The following MRPS21 variants were observed in gnomAD, a reference collection of about 807,000 sequenced individuals.
MRPS21 encodes small ribosomal subunit protein bS21m.
Under a neutral mutation model 9.9 loss-of-function variants are expected in MRPS21, and 8 were observed. The ratio of observed to expected loss-of-function variants is 0.81; its 90% CI spans 0.47 to 1.45. MRPS21 has a LOEUF of 1.45. MRPS21 is among the 40% of genes most tolerant of loss of function. The pLI is 0.00. For synonymous variants in MRPS21, 40 were observed against 40.3 expected, an observed-to-expected ratio of 0.99 and a Z score of 0.03; for missense variants, 101 against 118.9, an observed-to-expected ratio of 0.85 and a Z score of 0.70.
intron 2 of MRPS21, among the ~76,000 whole-genome samples, chr1:150,294,820 C>A (rs1653853133): frequency 6.7e-6 from 1 of 149,318 alleles, no homozygotes; most frequent in African/African-American, 2.5e-5. Flanking sequence ...ATCGCTTGAA[C>A]CCGGGAGGCA....
rs1417375771 is a variant in MRPS21, at chr1:150,294,258, A to G, written c.-32-77A>G. 1.2e-5 allele frequency: 12 copies of G among 1,013,992 alleles called. No homozygotes were observed. The highest frequency in any genetic ancestry group is 4.0e-5 in the Admixed American group (2 of 49,730). 62.8% of individuals were successfully genotyped at this position (1,013,992 alleles called of 1,614,324 possible). ...AGCATGTTGAATTTCCAAATCCTAA[A>G]TAAGCCGCGCGGTGTAGTTTGTATT... On this transcript the variant is annotated intron_variant, in intron 1 of 2. Coordinates refer to ENST00000614145, the MANE Select transcript of MRPS21 (RefSeq NM_031901.6).
intron 2 of MRPS21, chr1:150,304,032 C>T (rs921809313): frequency 2.8e-5 from 11 of 397,972 alleles, no homozygotes; most frequent in Admixed American, 2.3e-4. Context: ...AGACATCAGC[C>T]GGGCGTGGTG....
At position 150,307,709 on chromosome 1, in the gene MRPS21, G is replaced by A. The variant is rs587632473; in HGVS notation, c.84-339G>A. Among the ~76,000 whole-genome samples the A allele has an allele frequency of 3.9e-5, 6 of 152,146 alleles. No individual in the cohort carries two copies. In the East Asian group the frequency reaches 9.7e-4, roughly 24 times the overall value. On this transcript the variant is annotated intron_variant, in intron 2 of 2. Transcript: ENST00000614145. ...TGCTCCCACCTCAGCCTCGTGAGTC[G>A]CTAGCACTACAGACACATATTACGA... is the stretch of plus-strand genomic sequence containing the variant.
Position 150,308,290 on chromosome 1 carries a change from T to G in MRPS21, c.*62T>G. Reference sequence around the variant, plus strand: ...CCAGTTTTCTCTCCATCTCTTTTCTTTGTACAATCCCATTTCCTATTACCA... The same window carrying G: ...CCAGTTTTCTCTCCATCTCTTTTCTGTGTACAATCCCATTTCCTATTACCA... On this transcript the variant is annotated 3_prime_UTR_variant, in exon 3 of 3. Transcript: ENST00000614145. 9 of 1,508,046 alleles carry G rather than the reference T, an allele frequency of 6.0e-6. No homozygotes were observed. The highest frequency in any genetic ancestry group is 8.1e-6 in the Non-Finnish European group (9 of 1,105,888). 93.4% of individuals were successfully genotyped at this position (1,508,046 alleles called of 1,614,324 possible). A position where few individuals can be genotyped will look rare whatever the true frequency, so the allele number is the denominator to read the frequency against.
intron 2 of MRPS21, among the ~76,000 whole-genome samples, chr1:150,297,073 C>CCT (rs1653938767): frequency 2.0e-5 from 3 of 151,556 alleles, no homozygotes; most frequent in East Asian, 3.9e-4. Context: ...GGGCGGATCA[C>CCT]GAGGTCAGGA....
At chr1:150,297,074 G>A (rs751619103) in intron 2 of MRPS21, among the ~76,000 whole-genome samples, 63 of 148,430 alleles carry the variant, frequency 4.2e-4, no homozygotes, top group East Asian at 8.4e-4. Context: ...GGCGGATCAC[G>A]AGGTCAGGAC....
rs112063293 is a variant in MRPS21 at position 150,300,672 on chromosome 1, C to G, written c.83+6223C>G. Among the ~76,000 whole-genome samples, 424 of 152,116 alleles carry G rather than the reference C, an allele frequency of 2.8e-3. 5 individuals are homozygous for G. The highest frequency in any genetic ancestry group is 9.4e-3 in the African/African-American group (391 of 41,496). ...ATTGCATCTGTTTTATGGGTAACAC[C>G]CCCACTCCTTCGAGTTAAAATTGGT... On this transcript the variant is annotated intron_variant, in intron 2 of 2. Transcript: ENST00000614145.
rs1433414048 is a variant in MRPS21 at position 150,294,215 on chromosome 1, C to T, written c.-32-120C>T. The T allele has an allele frequency of 4.7e-6, 3 of 636,728 alleles. No homozygotes were observed. In the East Asian group the frequency reaches 8.7e-5, roughly 18 times the overall value. 39.4% of individuals were successfully genotyped at this position (636,728 alleles called of 1,614,324 possible). Reference sequence around the variant, plus strand: ...CTTTCTAGGATGACTTCCATGTGCTCCATCTCGCGCGTCCCTGAGCATGTT... The same window carrying T: ...CTTTCTAGGATGACTTCCATGTGCTTCATCTCGCGCGTCCCTGAGCATGTT... On this transcript the variant is annotated intron_variant, in intron 1 of 2. Transcript: ENST00000614145.
intron 2 of MRPS21, chr1:150,301,360 T>A (rs1405609336): frequency 3.9e-6 from 1 of 259,710 alleles, no homozygotes; most frequent in Non-Finnish European, 7.6e-6. Context: ...TAGCCGGACA[T>A]GGTGGCAGGT....
At chr1:150,297,858 T>C (rs1653972901) in intron 2 of MRPS21, among the ~76,000 whole-genome samples, 1 of 152,158 alleles carries the variant, frequency 6.6e-6, no homozygotes, top group African/African-American at 2.4e-5. Context: ...TCATACCTTC[T>C]GGTGGCATGT....
At chr1:150,295,702 C>T (rs1440415383) in intron 2 of MRPS21, among the ~76,000 whole-genome samples, 1 of 151,894 alleles carries the variant, frequency 6.6e-6, no homozygotes, top group Non-Finnish European at 1.5e-5. Flanking sequence ...TTTGGGAAGC[C>T]TAGTGGGGAG....
chr1:150,294,890 CTA>C (rs1392607649), intron 2 of MRPS21, among the ~76,000 whole-genome samples: 1 of 74,370 alleles, frequency 1.3e-5, no homozygotes, highest in Admixed American at 1.3e-4. Flanking sequence ...GAGTGAGACT[CTA>C]TCTCAAAAAA....
chr1:150,301,672 C>G (rs1654139268), intron 2 of MRPS21, among the ~76,000 whole-genome samples: 2 of 150,620 alleles, frequency 1.3e-5, no homozygotes, highest in Admixed American at 6.6e-5. Context: ...ACTGCGTGGT[C>G]TCGCCTCACT....
chr1:150,301,345 A>AT (rs1281370415), intron 2 of MRPS21: 9 of 309,122 alleles, frequency 2.9e-5, no homozygotes, highest in Non-Finnish European at 5.9e-5. Flanking sequence ...CAAAAGAAAA[A>AT]AAATTAGCCG....
In MRPS21 at chr1:150,308,099, T is replaced by C. The variant is rs1396686106; in HGVS notation, c.135T>C (p.Tyr45=). 2 of 1,605,592 alleles carry C rather than the reference T, an allele frequency of 1.2e-6. No individual in the cohort carries two copies. Among genetic ancestry groups the C allele is most frequent in the Non-Finnish European group, 1.7e-6 (2 of 1,172,840 alleles). The change falls in exon 3 of 3, where the codon TAT becomes TAC. Residue 45 remains tyrosine (Y), a synonymous_variant. Transcript: ENST00000614145. ...LIEDIKHRRY[Y]EKPCCRRQRE... is the part of the protein sequence containing the mutation. ...AGGACATTAAGCATCGGCGGTATTA[T>C]GAGAAGCCATGCTGCCGGCGACAGA... is the stretch of plus-strand genomic sequence containing the variant.
In MRPS21 at chr1:150,308,539, C is replaced by G. The variant is rs1654438178; in HGVS notation, c.*311C>G. ...TTCAGTTTGGGCAGATGAAAAAGTT[C>G]AGGAGACGATGGCCTGGCATGGTGG... On this transcript the variant is annotated 3_prime_UTR_variant, in exon 3 of 3. Coordinates refer to ENST00000614145, the MANE Select transcript of MRPS21 (RefSeq NM_031901.6). The G allele has an allele frequency of 5.1e-6, 1 of 197,284 alleles. No individual in the cohort carries two copies. The highest frequency in any genetic ancestry group is 1.0e-5 in the Non-Finnish European group (1 of 96,426). The allele number at this position is 197,284 out of a possible 1,614,324, so 12.2% of individuals were successfully genotyped here.
At position 150,303,891 on chromosome 1, in the gene MRPS21, C is replaced by T. The variant is rs1352287055; in HGVS notation, c.84-4157C>T. The T allele has an allele frequency of 6.6e-6, 3 of 455,974 alleles. No individual in the cohort carries two copies. In the Admixed American group the frequency reaches 7.0e-5, roughly 11 times the overall value. 28.2% of individuals were successfully genotyped at this position (455,974 alleles called of 1,614,324 possible). ...ATCTAGAGGACTCATTTTTGGCATA[C>T]ATTTCCTAGTTGTTCTTTGCCAAGT... On this transcript the variant is annotated intron_variant, in intron 2 of 2. Transcript: ENST00000614145.
At chr1:150,296,857 AC>A (rs1223607413) in intron 2 of MRPS21, among the ~76,000 whole-genome samples, 2 of 152,124 alleles carry the variant, frequency 1.3e-5, no homozygotes, top group African/African-American at 4.8e-5. Context: ...TAAAAAAAAA[AC>A]CAGAATCCTC....
At chr1:150,299,426 CCTGTTTTTTTTT>C (rs1654031355) in intron 2 of MRPS21, among the ~76,000 whole-genome samples, 1 of 6,232 alleles carries the variant, frequency 1.6e-4, no homozygotes, top group African/African-American at 6.2e-4. Context: ...TTTTGCTTTT[CCTGTTTTTTTTT>C]CTGTTTTTTG....
Sources: gnomAD v4.1 joint callset for allele counts (sites outside exome capture counted in the v4.1 genomes callset) on GRCh38, gnomAD v4.1.1 for gene constraint, MANE v1.5 for transcripts, NCBI Gene and HGNC (gene_info 2026-07-23, HGNC 2026-07-21) for gene names.